The following IKZF3 variants were observed in gnomAD, a reference collection of about 807,000 sequenced individuals.
IKZF3 encodes the protein IKAROS family zinc finger 3.
A neutral mutation model predicts 49.0 loss-of-function variants in IKZF3; 10 were observed. The ratio of observed to expected loss-of-function variants is 0.20; its 90% CI spans 0.13 to 0.35. The LOEUF is 0.35. IKZF3 is among the 10% of genes least tolerant of loss of function. The probability of loss-of-function intolerance (pLI) is 1.00; values close to 1 mark genes in which losing one functional copy is unlikely to be tolerated. For missense variants in IKZF3, 498 were observed against 664.8 expected (o/e 0.75, Z 2.76); for synonymous variants, 209 against 228.2 (o/e 0.92, Z 0.76).
intron 1 of IKZF3, among the ~76,000 whole-genome samples, chr17:39,859,812 TAATG>T (rs1166284973): frequency 6.6e-6 from 1 of 152,240 alleles, no homozygotes; most frequent in Non-Finnish European, 1.5e-5. Context: ...TCAAAATAAT[TAATG>T]AATCCTTAGG....
intron 1 of IKZF3, among the ~76,000 whole-genome samples, chr17:39,851,273 C>T (rs2062867907): frequency 6.6e-6 from 1 of 151,898 alleles, no homozygotes; most frequent in African/African-American, 2.4e-5. Flanking sequence ...AAGTGATCTG[C>T]CCGCCTCGGT....
rs2143556104 is a variant in IKZF3, at chr17:39,765,539, G to T, written c.*251C>A. 2.3e-6 allele frequency: 1 copy of T among 435,282 alleles called. No individual in the cohort carries two copies. Among genetic ancestry groups the T allele is most frequent in the Non-Finnish European group, 4.1e-6 (1 of 242,880 alleles). The allele number at this position is 435,282 out of a possible 1,614,324, so 27.0% of individuals were successfully genotyped here. A position where few individuals can be genotyped will look rare whatever the true frequency, so the allele number is the denominator to read the frequency against. On this transcript the variant is annotated 3_prime_UTR_variant, in exon 8 of 8. Transcript: ENST00000346872. The stretch of plus-strand genomic sequence containing the variant: ...GAAGATAATGACCAAATACCTTTTT[G>T]GCTTTTAAATTCCATAAAATTCAAG...
In IKZF3 at chr17:39,864,214, G is replaced by T; in HGVS notation, c.-88C>A. ...CGTCGCCTGGACTCAGCGCGCAGCTGGCGGGAGATTCCCGGCGCGGGGAGT... is the reference window on the plus strand; with the variant it reads ...CGTCGCCTGGACTCAGCGCGCAGCTTGCGGGAGATTCCCGGCGCGGGGAGT... On this transcript the variant is annotated 5_prime_UTR_variant, in exon 1 of 8. Transcript: ENST00000346872. 1.3e-6 allele frequency: 2 copies of T among 1,483,840 alleles called. No homozygotes were observed. Among genetic ancestry groups the T allele is most frequent in the South Asian group, 1.2e-5 (1 of 81,866 alleles). 91.9% of individuals were successfully genotyped at this position (1,483,840 alleles called of 1,614,324 possible).
chr17:39,809,186 C>T (rs2061497420), intron 3 of IKZF3, among the ~76,000 whole-genome samples: 2 of 152,162 alleles, frequency 1.3e-5, no homozygotes, highest in African/African-American at 4.8e-5. Context: ...GGTAAGGTCA[C>T]AAATTATTTT....
intron 3 of IKZF3, among the ~76,000 whole-genome samples, chr17:39,794,774 T>G (rs908614063): frequency 1.1e-4 from 17 of 152,162 alleles, no homozygotes; most frequent in Non-Finnish European, 2.4e-4. Context: ...TGCTTTCAAG[T>G]GGAATTTGTT....
chr17:39,863,220 A>G (rs1323408262), intron 1 of IKZF3, among the ~76,000 whole-genome samples: 2 of 152,176 alleles, frequency 1.3e-5, no homozygotes, highest in South Asian at 2.1e-4. Context: ...AAAAGCATAA[A>G]GTTTTTGATA....
chr17:39,857,715 A>G (rs1198019993), intron 1 of IKZF3, among the ~76,000 whole-genome samples: 1 of 152,218 alleles, frequency 6.6e-6, no homozygotes, highest in African/African-American at 2.4e-5. Context: ...CTGGGCAAGA[A>G]AAGAGTCAAA....
intron 5 of IKZF3, among the ~76,000 whole-genome samples, chr17:39,790,323 A>G (rs575389582): frequency 7.9e-5 from 12 of 151,924 alleles, no homozygotes; most frequent in African/African-American, 2.9e-4. Flanking sequence ...TTACTTGAAA[A>G]AGGCAACAGT....
chr17:39,858,473 C>A (rs2063128917), intron 1 of IKZF3, among the ~76,000 whole-genome samples: 1 of 152,094 alleles, frequency 6.6e-6, no homozygotes, highest in Non-Finnish European at 1.5e-5. Flanking sequence ...AAGAGTAATG[C>A]ACTTTGTTTC....
rs1184854714 is a variant in IKZF3 at position 39,762,820 on chromosome 17, G to A, written c.*2970C>T. 4 of 152,550 alleles carry A rather than the reference G, an allele frequency of 2.6e-5. No individual in the cohort carries two copies. Among genetic ancestry groups the A allele is most frequent in the African/African-American group, 9.7e-5 (4 of 41,450 alleles). The allele number at this position is 152,550 out of a possible 1,614,324, so 9.4% of individuals were successfully genotyped here. A position where few individuals can be genotyped will look rare whatever the true frequency, so the allele number is the denominator to read the frequency against. Reference sequence around the variant, plus strand: ...GAGAATTGCTTGAACCCGGGAGGCGGAGGTTGCCGTGAGCCGAGATCGCGC... The same window carrying A: ...GAGAATTGCTTGAACCCGGGAGGCGAAGGTTGCCGTGAGCCGAGATCGCGC... On this transcript the variant is annotated 3_prime_UTR_variant, in exon 8 of 8. Coordinates refer to ENST00000346872, the MANE Select transcript of IKZF3 (RefSeq NM_012481.5).
At chr17:39,768,271 C>T (rs2060345133) in intron 7 of IKZF3, among the ~76,000 whole-genome samples, 1 of 152,042 alleles carries the variant, frequency 6.6e-6, no homozygotes. Flanking sequence ...GGAAAGCATT[C>T]TTGGAAAATC....
At chr17:39,791,043 G>A (rs942238712) in intron 5 of IKZF3, among the ~76,000 whole-genome samples, 3 of 152,076 alleles carry the variant, frequency 2.0e-5, no homozygotes, top group Non-Finnish European at 4.4e-5. Flanking sequence ...TGCTTGTCTC[G>A]TCTTTTGAAT....
intron 1 of IKZF3, among the ~76,000 whole-genome samples, chr17:39,842,349 C>T (rs1261025190): frequency 1.1e-4 from 16 of 152,124 alleles, no homozygotes; most frequent in Admixed American, 9.8e-4. Flanking sequence ...GCCAACATGG[C>T]GAAACCCCAT....
chr17:39,828,634 C>T (rs897011036), intron 3 of IKZF3, among the ~76,000 whole-genome samples: 1 of 152,104 alleles, frequency 6.6e-6, no homozygotes, highest in Non-Finnish European at 1.5e-5. Flanking sequence ...AGGGAGAGTA[C>T]TGTGCAGTAC....
intron 3 of IKZF3, among the ~76,000 whole-genome samples, chr17:39,812,273 C>CACAAAA (rs1434120588): frequency 6.6e-6 from 1 of 152,094 alleles, no homozygotes; most frequent in South Asian, 2.1e-4. Flanking sequence ...CAAACTACAA[C>CACAAAA]ACAAAAACAA....
intron 3 of IKZF3, among the ~76,000 whole-genome samples, chr17:39,802,588 CAG>C (rs1352630659): frequency 2.2e-5 from 3 of 139,070 alleles, no homozygotes; most frequent in African/African-American, 8.1e-5. Context: ...GCCTGGGAGA[CAG>C]AGCGAGACCC....
intron 3 of IKZF3, among the ~76,000 whole-genome samples, chr17:39,821,664 T>G (rs1306942443): frequency 6.6e-6 from 1 of 152,048 alleles, no homozygotes; most frequent in African/African-American, 2.4e-5. Context: ...TGAACCACGC[T>G]CAGATTCTGG....
At chr17:39,847,846 G>A (rs1378124251) in intron 1 of IKZF3, among the ~76,000 whole-genome samples, 1 of 152,214 alleles carries the variant, frequency 6.6e-6, no homozygotes, top group Non-Finnish European at 1.5e-5. Context: ...ACATTAAGAA[G>A]AGAAGCAGGA....
At chr17:39,840,200 T>C (rs2062425571) in intron 1 of IKZF3, among the ~76,000 whole-genome samples, 2 of 152,212 alleles carry the variant, frequency 1.3e-5, no homozygotes, top group African/African-American at 4.8e-5. Context: ...AGTGTAACTC[T>C]ACACATTAGT....
Sources: gnomAD v4.1 joint callset for allele counts (sites outside exome capture counted in the v4.1 genomes callset) on GRCh38, gnomAD v4.1.1 for gene constraint, MANE v1.5 for transcripts, NCBI Gene and HGNC (gene_info 2026-07-23, HGNC 2026-07-21) for gene names.